Variants in ASIC2 observed in about 807,000 individuals in gnomAD.
ASIC2 encodes acid-sensing ion channel 2.
A neutral mutation model predicts 57.3 loss-of-function variants in ASIC2; 25 were observed. The ratio of observed to expected loss-of-function variants is 0.44; its 90% CI spans 0.32 to 0.61. The LOEUF is 0.61. ASIC2 is among the 20% of genes least tolerant of loss of function. The probability of loss-of-function intolerance (pLI) is 0.06; values close to 1 mark genes in which losing one functional copy is unlikely to be tolerated. For synonymous variants in ASIC2, 319 were observed against 307.5 expected, an observed-to-expected ratio of 1.04 and a Z score of -0.39; for missense variants, 641 against 738.1, an observed-to-expected ratio of 0.87 and a Z score of 1.52.
At chr17:33,508,838 A>G (rs550086627) in intron 1 of ASIC2, among the ~76,000 whole-genome samples, 2 of 152,272 alleles carry the variant, frequency 1.3e-5, no homozygotes, top group East Asian at 1.9e-4. Context: ...CAGCACCATC[A>G]TCTCCAGAAA....
chr17:33,770,961 C>G lies in ASIC2; in HGVS notation c.555+385017G>C, dbSNP rs532449610. ...TATTTGTCTATCTGTGGTCAATGGG[C>G]TATCAGCAAGAAAGATACCCAGGAC... On this transcript the variant is annotated intron_variant, in intron 1 of 9. Transcript: ENST00000359872. 2.6e-5 allele frequency among the ~76,000 whole-genome samples: 4 copies of G among 152,216 alleles called. No homozygotes were observed. In the East Asian group the frequency reaches 7.7e-4, roughly 29 times the overall value.
At chr17:33,527,217 C>T (rs1225613152) in intron 1 of ASIC2, among the ~76,000 whole-genome samples, 1 of 152,118 alleles carries the variant, frequency 6.6e-6, no homozygotes, top group Non-Finnish European at 1.5e-5. Flanking sequence ...GTGCACTGTC[C>T]AGTGGGCAGA....
chr17:33,684,697 G>A (rs1375774222), intron 1 of ASIC2, among the ~76,000 whole-genome samples: 1 of 151,978 alleles, frequency 6.6e-6, no homozygotes. Context: ...TTCTGGCTTT[G>A]ACAGAAAGTA....
At chr17:33,934,962 C>G (rs1459332235) in intron 1 of ASIC2, among the ~76,000 whole-genome samples, 1 of 152,236 alleles carries the variant, frequency 6.6e-6, no homozygotes, top group Non-Finnish European at 1.5e-5. Context: ...CTCATACATA[C>G]TGACATGCAA....
intron 1 of ASIC2, among the ~76,000 whole-genome samples, chr17:33,946,076 A>T (rs897903178): frequency 1.3e-5 from 2 of 152,080 alleles, no homozygotes; most frequent in Non-Finnish European, 2.9e-5. Flanking sequence ...GGCACTATGC[A>T]CCTCCTAGGT....
intron 1 of ASIC2, among the ~76,000 whole-genome samples, chr17:33,630,634 G>C (rs1246912054): frequency 6.6e-6 from 1 of 151,738 alleles, no homozygotes; most frequent in African/African-American, 2.4e-5. Context: ...ACTCCCTGCT[G>C]TGTGGCCTTA....
At chr17:33,948,123 T>C (rs966148349) in intron 1 of ASIC2, among the ~76,000 whole-genome samples, 1 of 152,274 alleles carries the variant, frequency 6.6e-6, no homozygotes, top group Non-Finnish European at 1.5e-5. Flanking sequence ...AGGTGGGTGC[T>C]AAGGGCTGGA....
intron 1 of ASIC2, among the ~76,000 whole-genome samples, chr17:33,216,245 A>C (rs1219025623): frequency 6.6e-6 from 1 of 152,190 alleles, no homozygotes; most frequent in African/African-American, 2.4e-5. Context: ...GCATCAACCT[A>C]ATAAATATGT....
intron 3 of ASIC2, among the ~76,000 whole-genome samples, chr17:33,080,952 C>CTG (rs1169321961): frequency 6.6e-6 from 1 of 152,162 alleles, no homozygotes; most frequent in Non-Finnish European, 1.5e-5. Flanking sequence ...CTGCAGTTGA[C>CTG]TGTGTGTAAC....
intron 1 of ASIC2, among the ~76,000 whole-genome samples, chr17:33,256,794 T>C (rs1909096181): frequency 6.6e-6 from 1 of 152,170 alleles, no homozygotes; most frequent in South Asian, 2.1e-4. Context: ...ATTGTGCCAC[T>C]GCACTCCAGC....
At chr17:33,950,126 G>A (rs1904510862) in intron 1 of ASIC2, among the ~76,000 whole-genome samples, 1 of 152,206 alleles carries the variant, frequency 6.6e-6, no homozygotes, top group Admixed American at 6.5e-5. Context: ...CTACCTCAGA[G>A]GGTGTGTTAA....
chr17:33,569,822 A>C (rs1916371448), intron 1 of ASIC2, among the ~76,000 whole-genome samples: 1 of 152,176 alleles, frequency 6.6e-6, no homozygotes, highest in Non-Finnish European at 1.5e-5. Context: ...CTTGCTCAAA[A>C]ACCCTGACTG....
intron 1 of ASIC2, among the ~76,000 whole-genome samples, chr17:33,503,301 T>G (rs1262288488): frequency 1.3e-5 from 2 of 152,188 alleles, no homozygotes; most frequent in Non-Finnish European, 2.9e-5. Context: ...CTCTATTTAA[T>G]ACCTGTCCTG....
At chr17:34,035,194 G>A (rs972813922) in intron 1 of ASIC2, among the ~76,000 whole-genome samples, 67 of 146,018 alleles carry the variant, frequency 4.6e-4, no homozygotes, top group Admixed American at 1.3e-3. Flanking sequence ...AGAGCCCTCA[G>A]AAATAATGCT....
intron 1 of ASIC2, among the ~76,000 whole-genome samples, chr17:33,284,752 C>A (rs1905080493): frequency 6.6e-6 from 1 of 152,142 alleles, no homozygotes; most frequent in Non-Finnish European, 1.5e-5. Context: ...TGAGCCTCGG[C>A]TTTCTCATCT....
At chr17:33,059,713 T>C (rs1452204172) in intron 3 of ASIC2, among the ~76,000 whole-genome samples, 2 of 152,234 alleles carry the variant, frequency 1.3e-5, no homozygotes, top group Non-Finnish European at 1.5e-5. Flanking sequence ...TTTCTAGTTC[T>C]AGATCCCTGA....
intron 1 of ASIC2, among the ~76,000 whole-genome samples, chr17:33,788,867 TAG>T (rs1175500658): frequency 6.6e-6 from 1 of 151,792 alleles, no homozygotes; most frequent in East Asian, 1.9e-4. Context: ...CGCATAGATG[TAG>T]AGAGGGGAAC....
chr17:34,090,835 C>T (rs922913378), intron 1 of ASIC2, among the ~76,000 whole-genome samples: 34 of 152,320 alleles, frequency 2.2e-4, no homozygotes, highest in Middle Eastern at 3.4e-3. Context: ...CCACCTCTTC[C>T]GCTTTTATTC....
At chr17:33,707,212 A>T (rs940304711) in intron 1 of ASIC2, among the ~76,000 whole-genome samples, 1 of 152,110 alleles carries the variant, frequency 6.6e-6, no homozygotes, top group African/African-American at 2.4e-5. Flanking sequence ...CTGATATTTT[A>T]TAATATTTTA....
Sources: allele counts gnomAD v4.1 joint callset (sites outside exome capture counted in the v4.1 genomes callset), GRCh38; gene constraint gnomAD v4.1.1; transcripts MANE v1.5; gene names NCBI Gene and HGNC (gene_info 2026-07-23, HGNC 2026-07-21).